The following PPP1R1C variants were observed in gnomAD, a reference collection of about 807,000 sequenced individuals.
PPP1R1C encodes protein phosphatase 1 regulatory subunit 1C.
Under a neutral mutation model 17.4 loss-of-function variants are expected in PPP1R1C, and 15 were observed. That is an observed-to-expected ratio of 0.86 (90% confidence interval 0.58 to 1.33). PPP1R1C has a LOEUF of 1.33. Ranked by LOEUF, PPP1R1C falls within the 40% of genes most tolerant of loss-of-function variation. PPP1R1C has a pLI of 0.00. For synonymous variants in PPP1R1C, 35 were observed against 43.1 expected (o/e 0.81, Z 0.73); for missense variants, 143 against 130.0 (o/e 1.10, Z -0.48).
chr2:182,013,695 T>A (rs1179477133), intron 2 of PPP1R1C, among the ~76,000 whole-genome samples: 1 of 152,168 alleles, frequency 6.6e-6, no homozygotes, highest in East Asian at 1.9e-4. Context: ...ATTTTCTAGA[T>A]CTTGCAGGCA....
chr2:182,068,766 G>T (rs192024794), intron 4 of PPP1R1C, among the ~76,000 whole-genome samples: 32 of 152,242 alleles, frequency 2.1e-4, no homozygotes, highest in African/African-American at 7.2e-4. Context: ...TGAATTTTGG[G>T]GTGCTATAGC....
At chr2:181,991,836 T>C (rs1462375992) in intron 2 of PPP1R1C, among the ~76,000 whole-genome samples, 1 of 152,208 alleles carries the variant, frequency 6.6e-6, no homozygotes, top group Non-Finnish European at 1.5e-5. Context: ...CTTTTACTTT[T>C]GTATAATCTG....
chr2:182,084,749 T>C (rs1688579029), intron 4 of PPP1R1C, among the ~76,000 whole-genome samples: 1 of 151,906 alleles, frequency 6.6e-6, no homozygotes, highest in Non-Finnish European at 1.5e-5. Context: ...TATTCATTTT[T>C]GTTCTTATTA....
At chr2:182,112,975 T>C (rs994559665) in intron 4 of PPP1R1C, among the ~76,000 whole-genome samples, 1 of 152,222 alleles carries the variant, frequency 6.6e-6, no homozygotes, top group Admixed American at 6.5e-5. Flanking sequence ...ATTACTTTTT[T>C]GTAACTTATA....
intron 2 of PPP1R1C, among the ~76,000 whole-genome samples, chr2:182,004,429 GCA>G (rs1407306686): frequency 6.6e-6 from 1 of 152,046 alleles, no homozygotes; most frequent in African/African-American, 2.4e-5. Flanking sequence ...TGGTTTAAAA[GCA>G]CACAGTAGGA....
At chr2:182,085,645 G>T (rs1051287254) in intron 4 of PPP1R1C, among the ~76,000 whole-genome samples, 13 of 152,084 alleles carry the variant, frequency 8.5e-5, no homozygotes, top group Non-Finnish European at 1.6e-4. Context: ...TAAAGAATTT[G>T]CTGCATGTAA....
chr2:181,962,269 AC>A lies in PPP1R1C; in HGVS notation n.111+7640del. On this transcript the variant is annotated intron_variant and non_coding_transcript_variant, in intron 1 of 5. Transcript: ENST00000464264. This position sits in a 1 kb window ranked among gnomAD's most constrained non-coding sequence, Gnocchi z 6.0. ...TCTGGATGCCTCCCATTCCTGCCAG[AC>A]CCCCGGCCATCCCCGCGGCCAGGTC... The A allele has an allele frequency of 5.5e-6, 4 of 729,334 alleles. No homozygotes were observed. Among genetic ancestry groups the A allele is most frequent in the Non-Finnish European group, 4.9e-6 (2 of 411,824 alleles). 45.2% of individuals were successfully genotyped at this position (729,334 alleles called of 1,614,324 possible).
At chr2:182,049,095 G>T (rs1460775481) in intron 2 of PPP1R1C, among the ~76,000 whole-genome samples, 1 of 152,062 alleles carries the variant, frequency 6.6e-6, no homozygotes, top group Non-Finnish European at 1.5e-5. Flanking sequence ...AACTTTAGGA[G>T]GCTGAGGCAG....
At chr2:182,003,130 A>C (rs1685821158) in intron 2 of PPP1R1C, among the ~76,000 whole-genome samples, 1 of 152,102 alleles carries the variant, frequency 6.6e-6, no homozygotes, top group Non-Finnish European at 1.5e-5. Context: ...ATAAATTGTC[A>C]ATTTTTAAAC....
intron 2 of PPP1R1C, among the ~76,000 whole-genome samples, chr2:182,035,384 T>A (rs996915246): frequency 1.3e-5 from 2 of 152,246 alleles, no homozygotes; most frequent in African/African-American, 4.8e-5. Flanking sequence ...TAACAAATCA[T>A]GTAAGTGCCT....
chr2:182,118,211 C>A (rs189079032), downstream of PPP1R1C, among the ~76,000 whole-genome samples: 1 of 151,824 alleles, frequency 6.6e-6, no homozygotes, highest in Non-Finnish European at 1.5e-5. Flanking sequence ...TACTATGCTG[C>A]GAATTATAGA....
intron 4 of PPP1R1C, among the ~76,000 whole-genome samples, chr2:182,077,879 T>A (rs749701430): frequency 6.6e-6 from 1 of 152,184 alleles, no homozygotes; most frequent in Non-Finnish European, 1.5e-5. Flanking sequence ...TAGAAAATAA[T>A]GTTTAAGAAG....
At chr2:182,046,663 C>T (rs1419787379) in intron 2 of PPP1R1C, among the ~76,000 whole-genome samples, 8 of 151,184 alleles carry the variant, frequency 5.3e-5, no homozygotes, top group African/African-American at 1.7e-4. Context: ...CACTTGAACC[C>T]AGGAGGTGGA....
intron 1 of PPP1R1C, among the ~76,000 whole-genome samples, chr2:181,969,398 G>A (rs1039974347): frequency 6.6e-6 from 1 of 151,870 alleles, no homozygotes; most frequent in African/African-American, 2.4e-5. Context: ...TTTTCTTTTA[G>A]CACTTTATAT....
intron 2 of PPP1R1C, among the ~76,000 whole-genome samples, chr2:182,030,695 A>G (rs1686796888): frequency 6.7e-6 from 1 of 149,794 alleles, no homozygotes; most frequent in Non-Finnish European, 1.5e-5. Context: ...CCAGAGGTGG[A>G]GCCTACAGAG....
chr2:182,060,952 T>C (rs1687831740), intron 2 of PPP1R1C, among the ~76,000 whole-genome samples: 5 of 152,122 alleles, frequency 3.3e-5, no homozygotes, highest in Admixed American at 3.3e-4. Flanking sequence ...AAATATTTGA[T>C]GGAGCAATTA....
intron 2 of PPP1R1C, among the ~76,000 whole-genome samples, chr2:182,028,100 CT>C (rs1686682041): frequency 7.1e-6 from 1 of 140,310 alleles, no homozygotes; most frequent in African/African-American, 2.7e-5. Context: ...ATTCTTCTCT[CT>C]TTTTTTCTTT....
At position 182,089,766 on chromosome 2, in the gene PPP1R1C, T is replaced by C. The variant is rs1688729311; in HGVS notation, c.241+25975T>C. On this transcript the variant is annotated intron_variant, in intron 4 of 4. Transcript: ENST00000682840. ...CACTGTTAATTAATCTGATTGTATTTTGTCTCAGTCATATGCTTTGTTACT... is the reference window on the plus strand; with the variant it reads ...CACTGTTAATTAATCTGATTGTATTCTGTCTCAGTCATATGCTTTGTTACT... Among the ~76,000 whole-genome samples, 4 of 152,118 alleles carry C rather than the reference T, an allele frequency of 2.6e-5. No homozygotes were observed. In the South Asian group the frequency reaches 8.3e-4, roughly 32 times the overall value.
rs532626440 is a variant in PPP1R1C, at chr2:182,094,487, G to A, written c.242-22720G>A. On this transcript the variant is annotated intron_variant, in intron 4 of 4. Transcript: ENST00000682840. ...CTGGTGGGAAAGCTATATGAATTCA[G>A]TAGAAAAAGTACTTTAAATTTTGAA... Among the ~76,000 whole-genome samples the A allele has an allele frequency of 5.7e-4, 87 of 152,326 alleles. 1 individual carries two copies. The highest frequency in any genetic ancestry group is 3.4e-3 in the Middle Eastern group (1 of 294).
Sources: gnomAD v4.1 joint callset for allele counts (sites outside exome capture counted in the v4.1 genomes callset) on GRCh38, gnomAD v4.1.1 for gene constraint, Gnocchi (gnomAD v3.1) non-coding constraint, MANE v1.5 for transcripts, NCBI Gene and HGNC (gene_info 2026-07-23, HGNC 2026-07-21) for gene names.